Variants in CHRNA7 observed in about 807,000 individuals in gnomAD.
The protein encoded by CHRNA7 is neuronal acetylcholine receptor subunit alpha-7.
A neutral mutation model predicts 48.0 loss-of-function variants in CHRNA7; 17 were observed. The observed-to-expected ratio is 0.35, with a 90% CI of 0.24 to 0.53. The LOEUF (loss-of-function observed/expected upper bound fraction) is 0.53. CHRNA7 is among the 20% of genes least tolerant of loss of function. The pLI is 0.92. For missense variants in CHRNA7, 155 were observed against 577.7 expected, an observed-to-expected ratio of 0.27 and a Z score of 7.50; for synonymous variants, 75 against 242.3, an observed-to-expected ratio of 0.31 and a Z score of 6.41.
Position 32,101,247 on chromosome 15 carries a change from T to C in CHRNA7, c.196-56T>C, listed in dbSNP as rs986112229. ...GATCCCCATGTGAATAATTGTCTCA[T>C]TCTTTCTTTTGTAAACCATATTATT... On this transcript the variant is annotated intron_variant, in intron 2 of 9. Coordinates refer to ENST00000306901, the MANE Select transcript of CHRNA7 (RefSeq NM_000746.6). 4 of 1,561,336 alleles carry C rather than the reference T, an allele frequency of 2.6e-6. No individual in the cohort carries two copies. The African/African-American group carries it at 5.5e-5, about 22-fold the overall frequency.
intron 4 of CHRNA7, among the ~76,000 whole-genome samples, chr15:32,117,862 T>C (rs1213028614): frequency 1.3e-5 from 2 of 152,148 alleles, no homozygotes; most frequent in East Asian, 1.9e-4. Flanking sequence ...AGGCTCATAA[T>C]GCAGTCATGG....
Position 32,170,450 on chromosome 15 carries a change from G to C in CHRNA7, c.*1992G>C, listed in dbSNP as rs1168799021. On this transcript the variant is annotated 3_prime_UTR_variant, in exon 10 of 10. Transcript: ENST00000306901. ...GGTTTTTTTTTTTTTTTCTGTTACAGTGTCTTTAGAAACAAGTAGAAGTGT... is the reference window on the plus strand; with the variant it reads ...GGTTTTTTTTTTTTTTTCTGTTACACTGTCTTTAGAAACAAGTAGAAGTGT... 2 of 151,054 alleles carry C rather than the reference G, an allele frequency of 1.3e-5. No individual in the cohort carries two copies. The highest frequency in any genetic ancestry group is 4.9e-5 in the African/African-American group (2 of 40,448). 9.4% of individuals were successfully genotyped at this position (151,054 alleles called of 1,614,324 possible). A position where few individuals can be genotyped will look rare whatever the true frequency, so the allele number is the denominator to read the frequency against.
At chr15:32,042,268 G>A (rs1345704987) in intron 2 of CHRNA7, among the ~76,000 whole-genome samples, 1 of 152,156 alleles carries the variant, frequency 6.6e-6, no homozygotes, top group Non-Finnish European at 1.5e-5. Context: ...ACTTGAGTGC[G>A]ATAGGATGGC....
intron 2 of CHRNA7, among the ~76,000 whole-genome samples, chr15:32,058,380 A>G (rs779890392): frequency 1.3e-5 from 2 of 152,232 alleles, no homozygotes; most frequent in Non-Finnish European, 2.9e-5. Flanking sequence ...GGATTAAAGT[A>G]AAAACTGAAA....
chr15:32,077,439 G>A (rs1476217966), intron 2 of CHRNA7, among the ~76,000 whole-genome samples: 1 of 152,114 alleles, frequency 6.6e-6, no homozygotes, highest in East Asian at 1.9e-4. Context: ...TCCTGTTTCT[G>A]TTTGTCCTTG....
intron 4 of CHRNA7, among the ~76,000 whole-genome samples, chr15:32,120,366 C>T (rs1418023985): frequency 6.6e-6 from 1 of 152,172 alleles, no homozygotes; most frequent in Non-Finnish European, 1.5e-5. Context: ...CCAGGCTCAG[C>T]CTTCCACTTC....
chr15:32,056,908 A>G (rs904541206), intron 2 of CHRNA7, among the ~76,000 whole-genome samples: 4 of 152,232 alleles, frequency 2.6e-5, no homozygotes, highest in African/African-American at 9.6e-5. Flanking sequence ...CAGACGTTAT[A>G]TGAGCAAAGA....
At chr15:32,034,757 T>G (rs1902003470) in intron 2 of CHRNA7, among the ~76,000 whole-genome samples, 1 of 152,204 alleles carries the variant, frequency 6.6e-6, no homozygotes, top group Non-Finnish European at 1.5e-5. Context: ...TTTGCATACA[T>G]TTTAGAGGTA....
At chr15:32,093,743 T>C (rs1314919169) in intron 2 of CHRNA7, among the ~76,000 whole-genome samples, 1 of 152,186 alleles carries the variant, frequency 6.6e-6, no homozygotes, top group Non-Finnish European at 1.5e-5. Context: ...CCTGGGATTA[T>C]GTCTCAAGGA....
chr15:32,158,289 C>CCCTTT, intron 6 of CHRNA7, 123 bp from the exon 7 acceptor site: 1 of 522,138 alleles, frequency 1.9e-6, no homozygotes. Flanking sequence ...CAACCCCCCC[C>CCCTTT]TTTTTTTTTT....
At chr15:32,044,998 C>A (rs1395214912) in intron 2 of CHRNA7, among the ~76,000 whole-genome samples, 1 of 152,214 alleles carries the variant, frequency 6.6e-6, no homozygotes, top group Non-Finnish European at 1.5e-5. Context: ...TCCTTGAATT[C>A]TCTCATTGTG....
At chr15:32,152,324 T>A (rs1432890485) in intron 4 of CHRNA7, among the ~76,000 whole-genome samples, 1 of 152,148 alleles carries the variant, frequency 6.6e-6, no homozygotes, top group African/African-American at 2.4e-5. Flanking sequence ...GCACCTGTAA[T>A]CCCAGCTACT....
intron 2 of CHRNA7, among the ~76,000 whole-genome samples, chr15:32,040,763 C>T (rs2141170174): frequency 6.6e-6 from 1 of 151,960 alleles, no homozygotes. Context: ...CTTTTTCCTT[C>T]TTCAGTGGTT....
chr15:32,066,980 A>G (rs1019609187), intron 2 of CHRNA7, among the ~76,000 whole-genome samples: 1 of 152,132 alleles, frequency 6.6e-6, no homozygotes, highest in African/African-American at 2.4e-5. Context: ...AGTTTATCCC[A>G]TCTGAATAAC....
At chr15:32,064,493 A>G (rs1039395) in intron 2 of CHRNA7, among the ~76,000 whole-genome samples, 149,972 of 151,800 alleles carry the variant, frequency 0.99, 74,072 homozygotes, top group East Asian at 1. Flanking sequence ...GTGTGTGTGT[A>G]TGTGTGTGTA....
chr15:32,038,056 GTATA>G (rs71424637), intron 2 of CHRNA7, among the ~76,000 whole-genome samples: 2 of 144,216 alleles, frequency 1.4e-5, no homozygotes, highest in South Asian at 2.1e-4. Context: ...TTTTGGATAT[GTATA>G]TATATATATA....
intron 2 of CHRNA7, among the ~76,000 whole-genome samples, chr15:32,058,140 C>T (rs1468690276): frequency 1.3e-5 from 2 of 152,192 alleles, no homozygotes; most frequent in Admixed American, 6.5e-5. Context: ...CTAGGATTGA[C>T]TATCATGCTG....
intron 4 of CHRNA7, among the ~76,000 whole-genome samples, chr15:32,119,004 AATAGT>A (rs200969048): frequency 2.7e-5 from 3 of 109,760 alleles, no homozygotes; most frequent in South Asian, 2.7e-4. Flanking sequence ...AAAAAAAAAA[AATAGT>A]GAGGGAAGAG....
chr15:32,098,853 A>G (rs1481424317), intron 2 of CHRNA7: 1 of 105,000 alleles, frequency 9.5e-6, no homozygotes, highest in Admixed American at 1.1e-4. Flanking sequence ...GTAGAATCCT[A>G]CCTCATCCCC....
Sources: allele counts gnomAD v4.1 joint callset (sites outside exome capture counted in the v4.1 genomes callset), GRCh38; gene constraint gnomAD v4.1.1; transcripts MANE v1.5; gene names NCBI Gene and HGNC (gene_info 2026-07-23, HGNC 2026-07-21).